Variants in MKRN2OS observed in about 807,000 individuals in gnomAD.
The protein encoded by MKRN2OS is MKRN2 opposite strand protein.
MKRN2OS carries 17 observed loss-of-function variants against 18.2 expected under a neutral mutation model. The ratio of observed to expected loss-of-function variants is 0.93; its 90% CI spans 0.64 to 1.40. MKRN2OS has a LOEUF of 1.40. Among genes scored for constraint, MKRN2OS ranks in the 40% most tolerant of loss-of-function variants. The probability of loss-of-function intolerance (pLI) is 0.00; values close to 1 mark genes in which losing one functional copy is unlikely to be tolerated. For missense variants in MKRN2OS, 337 were observed against 283.0 expected, an observed-to-expected ratio of 1.19 and a Z score of -1.37; for synonymous variants, 121 against 108.5, an observed-to-expected ratio of 1.12 and a Z score of -0.72.
rs925078645 is a variant in MKRN2OS, at chr3:12,545,377, G to A, written c.88C>T (p.Pro30Ser). 2.6e-6 allele frequency: 4 copies of A among 1,535,906 alleles called. No individual in the cohort carries two copies. In the African/African-American group the frequency reaches 5.5e-5, roughly 21 times the overall value. ...IYSFSVPQCC[P>S]LCQQDLGSRK... Reference sequence around the variant, plus strand: ...GAGCCCAGGTCCTGCTGGCAGAGAGGGCAGCACTGGGGCACACTGAAGCTG... The same window carrying A: ...GAGCCCAGGTCCTGCTGGCAGAGAGAGCAGCACTGGGGCACACTGAAGCTG... The change falls in exon 1 of 4, where the codon CCT (proline) becomes TCT (serine). Residue 30 changes from proline to serine, a missense_variant. Coordinates refer to ENST00000564146, the MANE Select transcript of MKRN2OS (RefSeq NM_001195279.2).
chr3:12,557,223 A>AG, intron 1 of MKRN2OS: 1 of 1,523,622 alleles, frequency 6.6e-7, no homozygotes, highest in East Asian at 2.6e-5. Flanking sequence ...CCCAGGCCGC[A>AG]GGGGGGCCGG....
intron 1 of MKRN2OS, among the ~76,000 whole-genome samples, chr3:12,544,077 A>G (rs961660098): frequency 3.0e-4 from 46 of 152,240 alleles, no homozygotes; most frequent in African/African-American, 1.1e-3. Flanking sequence ...TTTAGCACCT[A>G]ACAGTATGAC....
chr3:12,545,233 A>T lies in MKRN2OS; in HGVS notation c.218+14T>A. ...TTTGCACAATGCAATTTAACACTGT[A>T]AAAAACACTGTACCTAAGAAATGTC... On this transcript the variant is annotated intron_variant, in intron 1 of 3. Coordinates refer to ENST00000564146, the MANE Select transcript of MKRN2OS (RefSeq NM_001195279.2). 1 of 1,516,558 alleles carries T rather than the reference A, an allele frequency of 6.6e-7. No homozygotes were observed. The highest frequency in any genetic ancestry group is 1.7e-4 in the Middle Eastern group (1 of 5,912). The allele number at this position is 1,516,558 out of a possible 1,614,324, so 93.9% of individuals were successfully genotyped here.
Position 12,543,215 on chromosome 3 carries a change from C to A in MKRN2OS, c.233G>T (p.Arg78Met), listed in dbSNP as rs1039257764. Residue 78 changes from arginine to methionine, a missense_variant, in exon 2 of 4, where the codon AGG (arginine) becomes ATG (methionine). Physicochemically the swap from Arg to Met is moderately conservative, Grantham distance 91. Transcript: ENST00000564146. ...QGTFLREYDG[R>M]SDLHVGITNT... Reference sequence around the variant, plus strand: ...AGTTATTCCAACATGAAGATCAGACCTTCCATCATACTCTCTGAAAGAAAC... The same window carrying A: ...AGTTATTCCAACATGAAGATCAGACATTCCATCATACTCTCTGAAAGAAAC... 2 of 1,535,208 alleles carry A rather than the reference C, an allele frequency of 1.3e-6. No individual in the cohort carries two copies. The highest frequency in any genetic ancestry group is 8.7e-7 in the Non-Finnish European group (1 of 1,146,622).
intron 1 of MKRN2OS, among the ~76,000 whole-genome samples, chr3:12,560,392 C>T (rs1375674570): frequency 6.7e-6 from 1 of 150,258 alleles, no homozygotes; most frequent in Non-Finnish European, 1.5e-5. Flanking sequence ...CAGTGCCTAC[C>T]ATTTGCTTCC....
rs77121648 is a variant in MKRN2OS at position 12,554,834 on chromosome 3, T to C, written n.265-700A>G. 8.0e-3 allele frequency among the ~76,000 whole-genome samples: 1,222 copies of C among 152,342 alleles called. 14 individuals are homozygous for C. The highest frequency in any genetic ancestry group is 0.011 in the Non-Finnish European group (736 of 68,034). The stretch of plus-strand genomic sequence containing the variant: ...AAATTCTGGAAAGATGTATACAAAT[T>C]TGATAACAGTGGCCAGGTTTTGAGG... On this transcript the variant is annotated intron_variant and non_coding_transcript_variant, in intron 1 of 1. Transcript: ENST00000447550.
At chr3:12,551,989 T>C (rs1171308634), downstream of MKRN2OS, among the ~76,000 whole-genome samples, 1 of 151,844 alleles carries the variant, frequency 6.6e-6, no homozygotes, top group African/African-American at 2.4e-5. Context: ...TCCAGCTATA[T>C]TACATTTAGT....
At chr3:12,557,066 G>C (rs563752796) in intron 1 of MKRN2OS, 1,169 of 1,311,834 alleles carry the variant, frequency 8.9e-4, no homozygotes, top group Non-Finnish European at 1.1e-3. Flanking sequence ...GCGGCTACGC[G>C]GGATGGGCCG....
intron 3 of MKRN2OS, 111 bp from the exon 4 acceptor site, chr3:12,540,544 TG>T: frequency 7.9e-7 from 1 of 1,266,658 alleles, no homozygotes; most frequent in Non-Finnish European, 1.1e-6. Context: ...GCAAGGCCCC[TG>T]CATGTGCTGG....
At chr3:12,554,912 A>G (rs1199475361) in intron 1 of MKRN2OS, among the ~76,000 whole-genome samples, 3 of 152,242 alleles carry the variant, frequency 2.0e-5, no homozygotes, top group Non-Finnish European at 4.4e-5. Context: ...CTAAATTGAC[A>G]GGAGACTGAG....
intron 3 of MKRN2OS, 85 bp downstream of exon 3, chr3:12,541,775 G>A (rs116076005): frequency 0.011 from 15,541 of 1,368,454 alleles, 118 homozygotes; most frequent in Non-Finnish European, 0.013. Context: ...GTGCTGCTGA[G>A]TCCTCTGTGA....
chr3:12,558,062 C>G (rs1483319226), intron 1 of MKRN2OS, among the ~76,000 whole-genome samples: 1 of 152,172 alleles, frequency 6.6e-6, no homozygotes, highest in Non-Finnish European at 1.5e-5. Context: ...TTGGAAAATG[C>G]AAATTTCATT....
upstream of MKRN2OS, among the ~76,000 whole-genome samples, chr3:12,546,493 A>C (rs1259578240): frequency 6.6e-6 from 1 of 150,988 alleles, no homozygotes; most frequent in African/African-American, 2.4e-5. Context: ...GCAGTATATA[A>C]TTTTTCAATT....
chr3:12,552,847 A>G (rs1480645695), downstream of MKRN2OS, among the ~76,000 whole-genome samples: 2 of 151,910 alleles, frequency 1.3e-5, no homozygotes, highest in African/African-American at 4.8e-5. Flanking sequence ...ACATAGTGAG[A>G]TCTCCTGTCT....
chr3:12,557,205 G>T, intron 1 of MKRN2OS: 1 of 1,532,462 alleles, frequency 6.5e-7, no homozygotes, highest in Non-Finnish European at 8.8e-7. Flanking sequence ...GGAGCTTCGG[G>T]CCGCTCCCCC....
chr3:12,548,214 C>T (rs1418573932), upstream of MKRN2OS, among the ~76,000 whole-genome samples: 24 of 151,966 alleles, frequency 1.6e-4, 1 homozygote, highest in Admixed American at 1.3e-3. Context: ...TTTGGGAGGC[C>T]GAGGCGGGTG....
intron 2 of MKRN2OS, among the ~76,000 whole-genome samples, 189 bp from the exon 3 acceptor site, chr3:12,542,211 C>G (rs1179262489): frequency 6.6e-6 from 1 of 152,164 alleles, no homozygotes; most frequent in Non-Finnish European, 1.5e-5. Flanking sequence ...ATTTTTGTAG[C>G]CTTCCCTGTT....
intron 3 of MKRN2OS, among the ~76,000 whole-genome samples, chr3:12,541,085 C>T (rs540036219): frequency 2.0e-5 from 3 of 151,732 alleles, no homozygotes; most frequent in East Asian, 1.9e-4. Context: ...AGTATCTAAA[C>T]TTATTTCGGG....
At chr3:12,545,153 TCA>T in intron 1 of MKRN2OS, 92 bp downstream of exon 1, 1 of 1,035,924 alleles carries the variant, frequency 9.7e-7, no homozygotes, top group Non-Finnish European at 1.4e-6. Context: ...CCACCAAACC[TCA>T]CACATTATGT....
Sources: allele counts gnomAD v4.1 joint callset (sites outside exome capture counted in the v4.1 genomes callset), GRCh38; gene constraint gnomAD v4.1.1; transcripts MANE v1.5; gene names NCBI Gene and HGNC (gene_info 2026-07-23, HGNC 2026-07-21).